The following MACROD2 variants were observed in gnomAD, a reference collection of about 807,000 sequenced individuals.
The protein encoded by MACROD2 is mono-ADP ribosylhydrolase 2, also known as ADP-ribose glycohydrolase MACROD2.
In MACROD2, 36 loss-of-function variants were observed where a neutral mutation model predicts 70.4. The ratio of observed to expected loss-of-function variants is 0.51; its 90% confidence interval spans 0.39 to 0.68. MACROD2 has a LOEUF of 0.68. Among genes scored for constraint, MACROD2 ranks in the 30% least tolerant of loss-of-function variants. The probability of loss-of-function intolerance (pLI) is 0.00; values close to 1 mark genes in which losing one functional copy is unlikely to be tolerated. For synonymous variants in MACROD2, 172 were observed against 178.8 expected, an observed-to-expected ratio of 0.96 and a Z score of 0.30; for missense variants, 496 against 538.4, an observed-to-expected ratio of 0.92 and a Z score of 0.78.
chr20:15,683,138 G>T (rs141752998), intron 8 of MACROD2, among the ~76,000 whole-genome samples: 1 of 152,284 alleles, frequency 6.6e-6, no homozygotes, highest in East Asian at 1.9e-4. Flanking sequence ...GAACATGTTA[G>T]AATATTACGA....
At chr20:14,392,582 ATTATT>A (rs2083538793) in intron 3 of MACROD2, among the ~76,000 whole-genome samples, 1 of 152,200 alleles carries the variant, frequency 6.6e-6, no homozygotes, top group South Asian at 2.1e-4. Context: ...GTGTGAACCT[ATTATT>A]TTAAAGTTAC....
At chr20:15,975,399 A>G (rs1165219249) in intron 13 of MACROD2, among the ~76,000 whole-genome samples, 1 of 152,176 alleles carries the variant, frequency 6.6e-6, no homozygotes, top group Non-Finnish European at 1.5e-5. Flanking sequence ...ATCCTAAACT[A>G]ACACCCACCC....
At chr20:14,217,864 T>G (rs1319126297) in intron 3 of MACROD2, among the ~76,000 whole-genome samples, 1 of 152,152 alleles carries the variant, frequency 6.6e-6, no homozygotes, top group East Asian at 1.9e-4. Context: ...ATCTCCTGTT[T>G]CATTTCTTAG....
At chr20:14,185,977 A>T (rs1380059397) in intron 3 of MACROD2, among the ~76,000 whole-genome samples, 1 of 152,128 alleles carries the variant, frequency 6.6e-6, no homozygotes, top group African/African-American at 2.4e-5. Flanking sequence ...TTCAGAGTGT[A>T]TCCCAATTTA....
intron 4 of MACROD2, among the ~76,000 whole-genome samples, chr20:14,680,309 G>A (rs1218655738): frequency 6.6e-6 from 1 of 152,164 alleles, no homozygotes. Context: ...AAATAATTCA[G>A]CAGCTTCTTA....
At chr20:14,019,191 A>G (rs995431694) in intron 2 of MACROD2, among the ~76,000 whole-genome samples, 1 of 152,206 alleles carries the variant, frequency 6.6e-6, no homozygotes, top group African/African-American at 2.4e-5. Context: ...ATAGAGACAG[A>G]GTGTAATACA....
At chr20:15,817,976 G>A (rs1449320936) in intron 8 of MACROD2, among the ~76,000 whole-genome samples, 3 of 152,092 alleles carry the variant, frequency 2.0e-5, no homozygotes, top group Non-Finnish European at 4.4e-5. Flanking sequence ...TTTTCCTCGA[G>A]GATTTTCATA....
At chr20:15,011,527 T>C (rs762562567) in intron 5 of MACROD2, among the ~76,000 whole-genome samples, 1 of 152,222 alleles carries the variant, frequency 6.6e-6, no homozygotes, top group East Asian at 1.9e-4. Flanking sequence ...GTACTCTTTG[T>C]TCCCCCAAGT....
At chr20:14,382,484 C>T (rs528927776) in intron 3 of MACROD2, among the ~76,000 whole-genome samples, 21 of 151,798 alleles carry the variant, frequency 1.4e-4, no homozygotes, top group Admixed American at 2.6e-4. Flanking sequence ...GCCTGACCAA[C>T]GTGGAGAAAC....
At chr20:14,078,520 C>T (rs1158951648) in intron 2 of MACROD2, among the ~76,000 whole-genome samples, 1 of 152,108 alleles carries the variant, frequency 6.6e-6, no homozygotes, top group Non-Finnish European at 1.5e-5. Context: ...GATTCTCCTG[C>T]CTCAGCCTCC....
chr20:14,813,189 TTTTA>T (rs1424805586), intron 5 of MACROD2, among the ~76,000 whole-genome samples: 1 of 151,906 alleles, frequency 6.6e-6, no homozygotes, highest in African/African-American at 2.4e-5. Flanking sequence ...TTTTTTTAAA[TTTTA>T]TTTTATTTTA....
At chr20:14,898,087 T>C (rs988099290) in intron 5 of MACROD2, among the ~76,000 whole-genome samples, 2 of 152,150 alleles carry the variant, frequency 1.3e-5, no homozygotes, top group Non-Finnish European at 2.9e-5. Flanking sequence ...TAGCCAACAC[T>C]TTATAAAAAT....
intron 4 of MACROD2, among the ~76,000 whole-genome samples, chr20:14,671,013 C>T (rs564622495): frequency 1.1e-4 from 16 of 152,250 alleles, no homozygotes; most frequent in African/African-American, 3.9e-4. Flanking sequence ...TAATGGCATC[C>T]ACCTCCATCT....
chr20:14,881,416 C>T (rs962547525), intron 5 of MACROD2, among the ~76,000 whole-genome samples: 7 of 151,888 alleles, frequency 4.6e-5, no homozygotes, highest in African/African-American at 1.7e-4. Context: ...TGACAAGGCA[C>T]TTGACTTCCC....
chr20:15,149,019 C>G (rs975008954), intron 5 of MACROD2, among the ~76,000 whole-genome samples: 2 of 151,940 alleles, frequency 1.3e-5, no homozygotes, highest in East Asian at 1.9e-4. Context: ...ATTGCAGTGG[C>G]CTTCTCAGAC....
At chr20:14,825,859 GT>G (rs1404530334) in intron 5 of MACROD2, among the ~76,000 whole-genome samples, 1 of 152,122 alleles carries the variant, frequency 6.6e-6, no homozygotes, top group Non-Finnish European at 1.5e-5. Flanking sequence ...TGGATTATAG[GT>G]TTTCGAATGG....
chr20:15,187,500 C>T (rs1359091202), intron 5 of MACROD2, among the ~76,000 whole-genome samples: 1 of 152,174 alleles, frequency 6.6e-6, no homozygotes, highest in African/African-American at 2.4e-5. Flanking sequence ...GACAATGAGA[C>T]AGCTGTCCCC....
chr20:15,161,904 G>C (rs191707515), intron 5 of MACROD2, among the ~76,000 whole-genome samples: 90 of 152,124 alleles, frequency 5.9e-4, no homozygotes, highest in African/African-American at 1.8e-3. Flanking sequence ...TCTCCCTGCA[G>C]TTTGGAATTT....
chr20:15,912,466 G>T (rs909427427), intron 10 of MACROD2, among the ~76,000 whole-genome samples: 1 of 152,194 alleles, frequency 6.6e-6, no homozygotes, highest in African/African-American at 2.4e-5. Flanking sequence ...GTAATGTGAA[G>T]AGCCAGTTTA....
Sources: allele counts gnomAD v4.1 joint callset (sites outside exome capture counted in the v4.1 genomes callset), GRCh38; gene constraint gnomAD v4.1.1; transcripts MANE v1.5; gene names NCBI Gene and HGNC (gene_info 2026-07-23, HGNC 2026-07-21).